PCDHA7: variants seen among roughly 807,000 people sequenced by gnomAD.
PCDHA7 encodes protocadherin alpha-7.
In PCDHA7, 37 loss-of-function variants were observed where a neutral mutation model predicts 57.2. The ratio of observed to expected loss-of-function variants is 0.65; its 90% CI spans 0.50 to 0.85. The LOEUF (loss-of-function observed/expected upper bound fraction) is 0.85. Ranked by LOEUF, PCDHA7 falls within the 40% of genes least tolerant of loss-of-function variation. The pLI is 0.00. For synonymous variants in PCDHA7, 553 were observed against 558.8 expected (o/e 0.99, Z 0.15); for missense variants, 1,188 against 1,241.8 (o/e 0.96, Z 0.65).
chr5:140,988,622 ATGTCCTGGTTTTC>A (rs2097306090), intron 3 of PCDHA7, among the ~76,000 whole-genome samples: 1 of 152,124 alleles, frequency 6.6e-6, no homozygotes, highest in Non-Finnish European at 1.5e-5. Context: ...TAGAATGGAG[ATGTCCTGGTTTTC>A]TGAAATTAAA....
intron 1 of PCDHA7, chr5:140,852,854 AT>A: frequency 1.0e-6 from 1 of 963,700 alleles, no homozygotes; most frequent in Non-Finnish European, 1.3e-6. Context: ...CTTACTAAGC[AT>A]TTACTATGTC....
At chr5:140,941,215 C>CTTTCTTTCTTTCTT (rs2092887387) in intron 1 of PCDHA7, among the ~76,000 whole-genome samples, 1 of 104,510 alleles carries the variant, frequency 9.6e-6, no homozygotes, top group African/African-American at 3.7e-5. Context: ...TTCTTTCTTC[C>CTTTCTTTCTTTCTT]TTTCTTTCTT....
At chr5:140,932,113 T>G (rs2088043197) in intron 1 of PCDHA7, among the ~76,000 whole-genome samples, 1 of 151,918 alleles carries the variant, frequency 6.6e-6, no homozygotes, top group South Asian at 2.1e-4. Flanking sequence ...TATTTCCAAT[T>G]GATAATATTT....
chr5:140,843,686 CA>C (rs2150365068), intron 1 of PCDHA7: 11 of 1,588,582 alleles, frequency 6.9e-6, no homozygotes, highest in Non-Finnish European at 2.6e-6. Context: ...AGGCGAAGAG[CA>C]AGATTTAAAT....
At chr5:140,930,013 G>A (rs2086530432) in intron 1 of PCDHA7, 1 of 152,118 alleles carries the variant, frequency 6.6e-6, no homozygotes, top group Admixed American at 6.5e-5. Context: ...ATAGCTGATA[G>A]CTCCATAGCA....
chr5:140,877,288 T>G (rs782747810), intron 1 of PCDHA7: 3 of 1,613,908 alleles, frequency 1.9e-6, no homozygotes, highest in East Asian at 4.5e-5. Flanking sequence ...CTATAACGCT[T>G]GGCTGTCCTA....
intron 2 of PCDHA7, among the ~76,000 whole-genome samples, chr5:140,980,886 C>T (rs2096909899): frequency 6.6e-6 from 1 of 152,062 alleles, no homozygotes; most frequent in South Asian, 2.1e-4. Context: ...TCGGTCTTTC[C>T]AGTCTTGGAC....
intron 1 of PCDHA7, chr5:140,841,790 G>T (rs2150322746): frequency 6.2e-7 from 1 of 1,613,884 alleles, no homozygotes. Flanking sequence ...GCTAGAGGGC[G>T]CGTCCGATGC....
At chr5:140,977,862 A>G (rs142967836) in intron 1 of PCDHA7, among the ~76,000 whole-genome samples, 3 of 152,372 alleles carry the variant, frequency 2.0e-5, no homozygotes, top group African/African-American at 7.2e-5. Context: ...TCTACCAAAT[A>G]TGGTAAGTAT....
At chr5:140,915,803 A>G (rs2077309798) in intron 1 of PCDHA7, among the ~76,000 whole-genome samples, 1 of 152,026 alleles carries the variant, frequency 6.6e-6, no homozygotes, top group Admixed American at 6.6e-5. Flanking sequence ...ACTACCACCT[A>G]TGTTCACTCA....
intron 3 of PCDHA7, among the ~76,000 whole-genome samples, chr5:140,999,830 T>C (rs146250053): frequency 2.0e-5 from 3 of 152,238 alleles, no homozygotes; most frequent in Non-Finnish European, 4.4e-5. Context: ...GCTTTAAAAA[T>C]ATGCCAAGTG....
At chr5:140,940,369 T>C (rs1554213311) in intron 1 of PCDHA7, among the ~76,000 whole-genome samples, 1 of 152,212 alleles carries the variant, frequency 6.6e-6, no homozygotes, top group Admixed American at 6.5e-5. Context: ...AAAGTATTCC[T>C]TGAGTTGTTA....
At chr5:140,856,750 C>T (rs1554149043) in intron 1 of PCDHA7, 2 of 1,596,152 alleles carry the variant, frequency 1.3e-6, no homozygotes, top group Non-Finnish European at 1.7e-6. Flanking sequence ...TGTTAGATGC[C>T]AATGATAACG....
At chr5:140,882,150 C>A in intron 1 of PCDHA7, 1 of 1,501,768 alleles carries the variant, frequency 6.7e-7, no homozygotes, top group Non-Finnish European at 8.9e-7. Context: ...TAGCAGAAAG[C>A]GGAATACCTC....
chr5:140,877,480 G>A (rs782077464), intron 1 of PCDHA7: 3 of 1,613,888 alleles, frequency 1.9e-6, no homozygotes, highest in Non-Finnish European at 8.5e-7. Context: ...GGTGTCGCTG[G>A]TGGAGAACGG....
At chr5:140,964,954 G>A (rs140288048) in intron 1 of PCDHA7, among the ~76,000 whole-genome samples, 6 of 152,316 alleles carry the variant, frequency 3.9e-5, no homozygotes, top group Non-Finnish European at 7.4e-5. Flanking sequence ...AGTGTGCTTG[G>A]TTGGTGGAAC....
intron 1 of PCDHA7, among the ~76,000 whole-genome samples, chr5:140,886,751 G>A (rs1156754601): frequency 2.0e-5 from 3 of 151,312 alleles, no homozygotes; most frequent in African/African-American, 7.3e-5. Context: ...GCTTGAACCC[G>A]GGAGGTGGAG....
intron 1 of PCDHA7, among the ~76,000 whole-genome samples, chr5:140,846,724 A>G (rs1780644299): frequency 6.7e-6 from 1 of 149,338 alleles, no homozygotes; most frequent in Admixed American, 6.7e-5. Context: ...AGTCTTCATT[A>G]AACATTAAAT....
In PCDHA7 at chr5:140,876,048, T is replaced by A. The variant is rs376201695; in HGVS notation, c.2355+39310T>A. 5 of 1,613,812 alleles carry A rather than the reference T, an allele frequency of 3.1e-6. No individual in the cohort carries two copies. In the African/African-American group the frequency reaches 5.3e-5, roughly 17 times the overall value. On this transcript the variant is annotated intron_variant, in intron 1 of 3. Transcript: ENST00000525929. ...CAAAAAAAGATAAAAGTATATTGCC[T>A]GAATTAGTTCTTCGGAAGTTATTGG...
Sources: allele counts gnomAD v4.1 joint callset (sites outside exome capture counted in the v4.1 genomes callset), GRCh38; gene constraint gnomAD v4.1.1; transcripts MANE v1.5; gene names NCBI Gene and HGNC (gene_info 2026-07-23, HGNC 2026-07-21).